Variants in SORCS2 observed in about 807,000 individuals in gnomAD.
SORCS2 encodes the protein VPS10 domain-containing receptor SorCS2.
Under a neutral mutation model 141.6 loss-of-function variants are expected in SORCS2, and 100 were observed. The observed-to-expected ratio is 0.71, with a 90% CI of 0.60 to 0.83. The LOEUF (loss-of-function observed/expected upper bound fraction) is 0.83, where lower values mean the gene tolerates loss of function less well. Among genes scored for constraint, SORCS2 ranks in the 40% least tolerant of loss-of-function variants. The pLI is 0.00. For synonymous variants in SORCS2, 789 were observed against 676.9 expected (o/e 1.17, Z -2.57); for missense variants, 1,646 against 1,560.2 (o/e 1.05, Z -0.93).
intron 1 of SORCS2, among the ~76,000 whole-genome samples, chr4:7,272,336 T>A (rs1284120425): frequency 6.6e-6 from 1 of 152,240 alleles, no homozygotes; most frequent in Non-Finnish European, 1.5e-5. Flanking sequence ...CACTCTAAGT[T>A]GCATCATTAC....
rs549967756 is a variant in SORCS2, at chr4:7,262,581, G to A, written c.480+69455G>A. Among the ~76,000 whole-genome samples, 358 of 152,354 alleles carry A rather than the reference G, an allele frequency of 2.3e-3. 5 individuals are homozygous for A. Among genetic ancestry groups the A allele is most frequent in the Non-Finnish European group, 5.1e-4 (35 of 68,040 alleles). On this transcript the variant is annotated intron_variant, in intron 1 of 26. Coordinates refer to ENST00000507866, the MANE Select transcript of SORCS2 (RefSeq NM_020777.3). The stretch of plus-strand genomic sequence containing the variant: ...CAAATATGATTCCCAGGTAATTGCT[G>A]GTAGCAATAGGTTCTATTAGGGAAA...
chr4:7,250,481 TG>T (rs1713422832), intron 1 of SORCS2, among the ~76,000 whole-genome samples: 1 of 152,238 alleles, frequency 6.6e-6, no homozygotes, highest in African/African-American at 2.4e-5. Flanking sequence ...AAAAACAACA[TG>T]CATTTTTGTA....
chr4:7,664,535 G>T lies in SORCS2; in HGVS notation c.1071+64G>T. On this transcript the variant is annotated intron_variant, in intron 7 of 26. Coordinates refer to ENST00000507866, the MANE Select transcript of SORCS2 (RefSeq NM_020777.3). The surrounding 1 kb of genome is among the most constrained non-coding windows in gnomAD (Gnocchi z 4.7). The stretch of plus-strand genomic sequence containing the variant: ...GTGACGTGGCGGATGACCCGTTCGC[G>T]GCAAAAATGGCATCGCTCAGAAAAG... 1 of 1,140,040 alleles carries T rather than the reference G, an allele frequency of 8.8e-7. No homozygotes were observed. Among genetic ancestry groups the T allele is most frequent in the African/African-American group, 1.6e-5 (1 of 63,808 alleles). 70.6% of individuals were successfully genotyped at this position (1,140,040 alleles called of 1,614,324 possible). A position where few individuals can be genotyped will look rare whatever the true frequency, so the allele number is the denominator to read the frequency against.
intron 23 of SORCS2, 29 bp downstream of exon 23, chr4:7,729,741 G>T: frequency 2.5e-6 from 4 of 1,602,288 alleles, no homozygotes; most frequent in Non-Finnish European, 3.4e-6. Flanking sequence ...GCACTCCCAG[G>T]TCCTCCCTGC....
chr4:7,377,995 A>G (rs190819654), intron 1 of SORCS2, among the ~76,000 whole-genome samples: 21 of 152,336 alleles, frequency 1.4e-4, no homozygotes, highest in African/African-American at 4.8e-4. Flanking sequence ...CTCTCCAAAT[A>G]AGTCACAATA....
chr4:7,585,363 TGG>T (rs1289969012), intron 3 of SORCS2, among the ~76,000 whole-genome samples: 2 of 151,466 alleles, frequency 1.3e-5, no homozygotes, highest in Non-Finnish European at 2.9e-5. Flanking sequence ...GGTGTAGGAG[TGG>T]AATGTGGATC....
At chr4:7,720,680 G>A (rs1010349336) in intron 18 of SORCS2, among the ~76,000 whole-genome samples, 1 of 152,222 alleles carries the variant, frequency 6.6e-6, no homozygotes, top group African/African-American at 2.4e-5. Context: ...GTTAGGAAAT[G>A]AGCAGAACTG....
At chr4:7,486,208 G>A (rs572596321) in intron 2 of SORCS2, among the ~76,000 whole-genome samples, 192 of 152,340 alleles carry the variant, frequency 1.3e-3, no homozygotes, top group African/African-American at 4.5e-3. Flanking sequence ...AACAAGCCCC[G>A]TCCAGTGGAG....
chr4:7,677,146 G>A (rs1723219429), intron 9 of SORCS2, among the ~76,000 whole-genome samples: 1 of 152,032 alleles, frequency 6.6e-6, no homozygotes, highest in Admixed American at 6.6e-5. Flanking sequence ...CGAAGCTCTG[G>A]CCTCCCCTCC....
chr4:7,504,032 T>C (rs1242606702), intron 2 of SORCS2, among the ~76,000 whole-genome samples: 1 of 152,172 alleles, frequency 6.6e-6, no homozygotes, highest in East Asian at 1.9e-4. Context: ...GAGGAGGAGC[T>C]TGTGCTTTCC....
chr4:7,353,442 C>T (rs1420315414), intron 1 of SORCS2, among the ~76,000 whole-genome samples: 1 of 152,214 alleles, frequency 6.6e-6, no homozygotes, highest in Non-Finnish European at 1.5e-5. Flanking sequence ...GAGGTTCAGC[C>T]TGATATGCGG....
At position 7,498,103 on chromosome 4, in the gene SORCS2, G is replaced by T. The variant is rs562791077; in HGVS notation, c.549-33427G>T. Among the ~76,000 whole-genome samples the T allele has an allele frequency of 1.3e-4, 20 of 152,326 alleles. 1 individual carries two copies. In the South Asian group the frequency reaches 2.5e-3, roughly 19 times the overall value. Reference sequence around the variant, plus strand: ...CCACGCACCCACATTTCAAATGGCTGCCCTTCCACTGGGGGGCCAGGATGA... The same window carrying T: ...CCACGCACCCACATTTCAAATGGCTTCCCTTCCACTGGGGGGCCAGGATGA... On this transcript the variant is annotated intron_variant, in intron 2 of 26. Transcript: ENST00000507866.
chr4:7,200,620 A>G (rs1273997367), intron 1 of SORCS2, among the ~76,000 whole-genome samples: 1 of 152,218 alleles, frequency 6.6e-6, no homozygotes, highest in African/African-American at 2.4e-5. Context: ...TGCCCAGCCC[A>G]AGAACCTCAC....
At chr4:7,698,973 G>C (rs543444967) in intron 12 of SORCS2, among the ~76,000 whole-genome samples, 1 of 152,310 alleles carries the variant, frequency 6.6e-6, no homozygotes, top group African/African-American at 2.4e-5. Context: ...GCTTCCTATC[G>C]TGCCCAGGTT....
chr4:7,492,218 C>G (rs1731358955), intron 2 of SORCS2, among the ~76,000 whole-genome samples: 1 of 152,244 alleles, frequency 6.6e-6, no homozygotes, highest in African/African-American at 2.4e-5. Context: ...TTTTTCTTGA[C>G]ATCTCCCGAG....
intron 1 of SORCS2, among the ~76,000 whole-genome samples, chr4:7,224,597 C>G (rs1453871094): frequency 6.6e-6 from 1 of 152,224 alleles, no homozygotes; most frequent in East Asian, 1.9e-4. Context: ...GAACTCACTT[C>G]CTGTACAGTG....
At chr4:7,524,656 G>C (rs551133176) in intron 2 of SORCS2, among the ~76,000 whole-genome samples, 5 of 151,328 alleles carry the variant, frequency 3.3e-5, no homozygotes, top group Non-Finnish European at 7.4e-5. Flanking sequence ...AAGCAGCGCC[G>C]CCGCCCTTGT....
Position 7,192,842 on chromosome 4 carries a change from C to A in SORCS2, c.196C>A (p.Arg66=). The change falls in exon 1 of 27, where the codon CGG becomes AGG. Residue 66 remains arginine (R), a synonymous_variant. Coordinates refer to ENST00000507866, the MANE Select transcript of SORCS2 (RefSeq NM_020777.3). This position sits in a 1 kb window ranked among gnomAD's most constrained non-coding sequence, Gnocchi z 4.0. ...GRLGPHAQLT[R]VPRSPPAGRA... The stretch of plus-strand genomic sequence containing the variant: ...CCTGGGTCCTCACGCCCAACTGACC[C>A]GGGTGCCGCGGAGCCCTCCCGCGGG... 1 of 1,043,232 alleles carries A rather than the reference C, an allele frequency of 9.6e-7. No individual in the cohort carries two copies. Among genetic ancestry groups the A allele is most frequent in the South Asian group, 4.4e-5 (1 of 22,736 alleles). 64.6% of individuals were successfully genotyped at this position (1,043,232 alleles called of 1,614,324 possible).
intron 1 of SORCS2, among the ~76,000 whole-genome samples, chr4:7,303,285 T>G (rs1008020468): frequency 6.6e-6 from 1 of 152,210 alleles, no homozygotes; most frequent in African/African-American, 2.4e-5. Context: ...GATGGCAACT[T>G]TTTAATTGTG....
Sources: allele counts gnomAD v4.1 joint callset (sites outside exome capture counted in the v4.1 genomes callset), GRCh38; gene constraint gnomAD v4.1.1; non-coding constraint Gnocchi (gnomAD v3.1); transcripts MANE v1.5; gene names NCBI Gene and HGNC (gene_info 2026-07-23, HGNC 2026-07-21).